Variants in SORT1 observed in about 807,000 individuals in gnomAD.
SORT1 encodes the protein sortilin.
SORT1 carries 39 observed loss-of-function variants against 101.7 expected under a neutral mutation model. That is an observed-to-expected ratio of 0.38 (90% CI 0.30 to 0.50). The LOEUF (loss-of-function observed/expected upper bound fraction) is 0.50, where lower values mean the gene tolerates loss of function less well. SORT1 is among the 20% of genes least tolerant of loss of function. The pLI, the probability that SORT1 is intolerant of heterozygous loss-of-function variation, is 0.90. For synonymous variants in SORT1, 396 were observed against 393.7 expected (o/e 1.01, Z -0.07); for missense variants, 878 against 1,040.4 (o/e 0.84, Z 2.15).
At chr1:109,373,257 G>A (rs1651606730) in intron 1 of SORT1, among the ~76,000 whole-genome samples, 1 of 152,308 alleles carries the variant, frequency 6.6e-6, no homozygotes, top group Admixed American at 6.5e-5. Flanking sequence ...GCAGAGTCCA[G>A]AGTTCTTCCT....
At chr1:109,326,933 G>T in intron 13 of SORT1, 59 bp downstream of exon 13, 2 of 1,312,794 alleles carry the variant, frequency 1.5e-6, no homozygotes, top group Non-Finnish European at 2.1e-6. Flanking sequence ...ATAAACTGAA[G>T]AACATTCCCC....
intron 3 of SORT1, among the ~76,000 whole-genome samples, chr1:109,363,149 T>C (rs1459664450): frequency 6.6e-6 from 1 of 152,218 alleles, no homozygotes; most frequent in Non-Finnish European, 1.5e-5. Context: ...GTGATATTAA[T>C]AATTAGGTAT....
At chr1:109,327,444 T>G in intron 12 of SORT1, 55 bp downstream of exon 12, 1 of 1,107,670 alleles carries the variant, frequency 9.0e-7, no homozygotes, top group Non-Finnish European at 1.3e-6. Context: ...TTGGCTGAGT[T>G]TCAGTGTGCT....
intron 9 of SORT1, among the ~76,000 whole-genome samples, chr1:109,341,364 T>C (rs1649205459): frequency 6.6e-6 from 1 of 152,064 alleles, no homozygotes; most frequent in South Asian, 2.1e-4. Flanking sequence ...TTTTTTTTTT[T>C]GAGATGGAGT....
In SORT1 at chr1:109,397,635, G is replaced by T; in HGVS notation, c.258C>A (p.Cys86Ter). The T allele has an allele frequency of 7.8e-7, 1 of 1,275,424 alleles. No homozygotes were observed. The allele number at this position is 1,275,424 out of a possible 1,614,324, so 79.0% of individuals were successfully genotyped here. A position where few individuals can be genotyped will look rare whatever the true frequency, so the allele number is the denominator to read the frequency against. Reference sequence around the variant, plus strand: ...TGGCGACGAAGTCCCGGACCCGGCCGCACTCCTCGTCCTCGCCCGGCGCGC... The same window carrying T: ...TGGCGACGAAGTCCCGGACCCGGCCTCACTCCTCGTCCTCGCCCGGCGCGC... The part of the protein sequence containing the change: ...RRSAPGEDEE[C>*]GRVRDFVAKL... Residue 86 changes from cysteine to a stop codon, truncating the protein, a stop_gained, in exon 1 of 20, where the codon TGC (cysteine) becomes TGA (stop). Transcript: ENST00000256637. LOFTEE classifies it high-confidence loss of function.
chr1:109,385,953 C>T (rs956366711), intron 1 of SORT1, among the ~76,000 whole-genome samples: 1 of 152,186 alleles, frequency 6.6e-6, no homozygotes, highest in African/African-American at 2.4e-5. Context: ...TGGTGTTCTA[C>T]ACCAGTTCCC....
chr1:109,381,403 T>A (rs544946521), intron 1 of SORT1, among the ~76,000 whole-genome samples: 1 of 152,130 alleles, frequency 6.6e-6, no homozygotes, highest in South Asian at 2.1e-4. Context: ...TCAGGTGCTA[T>A]TAAAAATGTT....
chr1:109,340,758 G>C lies in SORT1; in HGVS notation c.1230C>G (p.Leu410=), dbSNP rs749295644. The part of the protein sequence containing the change: ...GETDFTNVTS[L]RGVYITSVLS... Reference sequence around the variant, plus strand: ...GCACGCTTGTTATGTAGACGCCGCGGAGGGAGGTCACGTTGGTAAAGTCCG... The same window carrying C: ...GCACGCTTGTTATGTAGACGCCGCGCAGGGAGGTCACGTTGGTAAAGTCCG... The change falls in exon 10 of 20, where the codon CTC becomes CTG. Residue 410 remains leucine, a synonymous_variant. Transcript: ENST00000256637. 1 of 1,614,158 alleles carries C rather than the reference G, an allele frequency of 6.2e-7. No homozygotes were observed. Among genetic ancestry groups the C allele is most frequent in the Non-Finnish European group, 8.5e-7 (1 of 1,180,030 alleles).
intron 5 of SORT1, 119 bp downstream of exon 5, chr1:109,354,248 C>G: frequency 1.4e-6 from 1 of 713,932 alleles, no homozygotes. Flanking sequence ...ATACTTCATG[C>G]CATAAGGAGA....
Position 109,329,277 on chromosome 1 carries a change from G to A in SORT1, c.1372-1676C>T, listed in dbSNP as rs186071913. On this transcript the variant is annotated intron_variant, in intron 11 of 19. Coordinates refer to ENST00000256637, the MANE Select transcript of SORT1 (RefSeq NM_002959.7). ...ATATTTATTTATTTATTTTTGAGAC[G>A]GAGTGTCGCTCTGCCACCCAGGCTG... Among the ~76,000 whole-genome samples the A allele has an allele frequency of 3.9e-3, 589 of 152,144 alleles. 2 individuals are homozygous for A. The highest frequency in any genetic ancestry group is 0.014 in the Middle Eastern group (4 of 292).
At chr1:109,386,027 CAAT>C (rs956235227) in intron 1 of SORT1, among the ~76,000 whole-genome samples, 21 of 152,124 alleles carry the variant, frequency 1.4e-4, no homozygotes, top group African/African-American at 5.1e-4. Flanking sequence ...TAAAGAAAAA[CAAT>C]AATATTTAAC....
At position 109,314,074 on chromosome 1, in the gene SORT1, CCATATTACCGACAG is replaced by C; in HGVS notation, c.2482-31_2482-18del. 2 of 1,614,056 alleles carry C rather than the reference CCATATTACCGACAG, an allele frequency of 1.2e-6. No individual in the cohort carries two copies. Among genetic ancestry groups the C allele is most frequent in the Non-Finnish European group, 1.7e-6 (2 of 1,179,912 alleles). ...CAAGAGGTCCTGAAAAAGACATGCACCATATTACCGACAGACCACAACACTCCTATTTCAAAAGC... is the reference window on the plus strand; with the variant it reads ...CAAGAGGTCCTGAAAAAGACATGCACACCACAACACTCCTATTTCAAAAGC... On this transcript the variant is annotated intron_variant, in intron 19 of 19. Transcript: ENST00000256637.
At chr1:109,391,536 G>A (rs532381390) in intron 1 of SORT1, among the ~76,000 whole-genome samples, 20 of 152,260 alleles carry the variant, frequency 1.3e-4, no homozygotes, top group South Asian at 2.1e-4. Flanking sequence ...AAACTTCCTC[G>A]GCAAAACACG....
chr1:109,328,003 A>G (rs1040442140), intron 11 of SORT1, among the ~76,000 whole-genome samples: 4 of 152,208 alleles, frequency 2.6e-5, no homozygotes, highest in Non-Finnish European at 4.4e-5. Context: ...TTCACTTGGC[A>G]TAATGTCCTC....
At chr1:109,397,532 GGCACGCGGGCGGCACCTC>G (rs1351979616) in intron 1 of SORT1, 37 bp downstream of exon 1, 2 of 1,075,426 alleles carry the variant, frequency 1.9e-6, no homozygotes, top group Non-Finnish European at 2.3e-6. Context: ...GGCCGGGAGG[GGCACGCGGGCGGCACCTC>G]GCACCCGAGC....
intron 12 of SORT1, 64 bp from the exon 13 acceptor site, chr1:109,327,224 G>A: frequency 7.7e-7 from 1 of 1,299,408 alleles, no homozygotes; most frequent in Non-Finnish European, 1.1e-6. Flanking sequence ...ATTTACTCCA[G>A]AGAGAATAAT....
At chr1:109,379,354 C>T (rs149209647) in intron 1 of SORT1, among the ~76,000 whole-genome samples, 1 of 151,864 alleles carries the variant, frequency 6.6e-6, no homozygotes, top group Non-Finnish European at 1.5e-5. Context: ...AGAAAGTTTA[C>T]GAATTTGTAT....
At chr1:109,363,049 T>C (rs541570059) in intron 3 of SORT1, among the ~76,000 whole-genome samples, 18 of 152,294 alleles carry the variant, frequency 1.2e-4, no homozygotes, top group Non-Finnish European at 2.5e-4. Flanking sequence ...ACATTGACTA[T>C]GTAATATATT....
At chr1:109,354,961 A>C (rs1242863377) in intron 4 of SORT1, among the ~76,000 whole-genome samples, 1 of 152,164 alleles carries the variant, frequency 6.6e-6, no homozygotes, top group Non-Finnish European at 1.5e-5. Flanking sequence ...ACAGTGGCTC[A>C]TGCCTGTAAT....
Sources: gnomAD v4.1 joint callset for allele counts (sites outside exome capture counted in the v4.1 genomes callset) on GRCh38, gnomAD v4.1.1 for gene constraint, MANE v1.5 for transcripts, NCBI Gene and HGNC (gene_info 2026-07-23, HGNC 2026-07-21) for gene names.